FBLN1: variants seen among roughly 807,000 people sequenced by gnomAD.
The protein encoded by FBLN1 is fibulin 1.
A neutral mutation model predicts 89.7 loss-of-function variants in FBLN1; 34 were observed. That is an observed-to-expected ratio of 0.38 (90% confidence interval 0.29 to 0.50). The LOEUF is 0.50. Ranked by LOEUF, FBLN1 falls within the 20% of genes least tolerant of loss-of-function variation. FBLN1 has a pLI of 0.92. For synonymous variants in FBLN1, 393 were observed against 391.3 expected, an observed-to-expected ratio of 1.00 and a Z score of -0.05; for missense variants, 777 against 988.1, an observed-to-expected ratio of 0.79 and a Z score of 2.86.
At chr22:45,544,983 G>C (rs142841340) in intron 11 of FBLN1, among the ~76,000 whole-genome samples, 82 of 152,346 alleles carry the variant, frequency 5.4e-4, no homozygotes, top group South Asian at 4.8e-3. Flanking sequence ...CACCCTGTTT[G>C]GTGCCGTGCA....
intron 16 of FBLN1, among the ~76,000 whole-genome samples, chr22:45,596,609 A>G (rs1283295299): frequency 6.7e-6 from 1 of 148,820 alleles, no homozygotes; most frequent in Non-Finnish European, 1.5e-5. Flanking sequence ...TGATTACTAT[A>G]TACATATATC....
rs2088480314 is a variant in FBLN1 at position 45,536,189 on chromosome 22, T to A, written c.922+852T>A. Among the ~76,000 whole-genome samples, 1 of 151,488 alleles carries A rather than the reference T, an allele frequency of 6.6e-6. No individual in the cohort carries two copies. Among genetic ancestry groups the A allele is most frequent in the Non-Finnish European group, 1.5e-5 (1 of 67,912 alleles). On this transcript the variant is annotated intron_variant, in intron 8 of 16. Coordinates refer to ENST00000327858, the MANE Select transcript of FBLN1 (RefSeq NM_006486.3). The surrounding 1 kb of genome is among the most constrained non-coding windows in gnomAD (Gnocchi z 5.1). ...ACCCTGTCTCAAAAATAAAATAAAA[T>A]ATAAAAATAAAAAACAGTCTGTGTT...
intron 16 of FBLN1, among the ~76,000 whole-genome samples, chr22:45,595,523 T>C (rs1206626974): frequency 2.6e-5 from 4 of 152,310 alleles, no homozygotes; most frequent in African/African-American, 9.6e-5. Flanking sequence ...GTCCTTCCTT[T>C]CTAGTTGCTC....
chr22:45,596,272 A>T (rs546851430), intron 16 of FBLN1, among the ~76,000 whole-genome samples: 3 of 152,322 alleles, frequency 2.0e-5, no homozygotes, highest in African/African-American at 7.2e-5. Context: ...GTCAGTTCGT[A>T]TCCTGCAGGT....
In FBLN1 at chr22:45,518,834, G is replaced by A. The variant is rs147635694; in HGVS notation, c.185+47G>A. ...GTTTCACTGGAACAATGTTCCTTTA[G>A]AGAAAAGTGGGGGAGGAAGGGACAG... On this transcript the variant is annotated intron_variant, in intron 2 of 16. Transcript: ENST00000327858. The A allele has an allele frequency of 2.0e-6, 3 of 1,481,752 alleles. No homozygotes were observed. The South Asian group carries it at 3.6e-5, about 18-fold the overall frequency. 91.8% of individuals were successfully genotyped at this position (1,481,752 alleles called of 1,614,324 possible). A position where few individuals can be genotyped will look rare whatever the true frequency, so the allele number is the denominator to read the frequency against.
At position 45,523,300 on chromosome 22, in the gene FBLN1, A is replaced by T. The variant is rs897151737; in HGVS notation, c.186-2243A>T. On this transcript the variant is annotated intron_variant, in intron 2 of 16. Transcript: ENST00000327858. Reference sequence around the variant, plus strand: ...AGATACAAGGGTAACCAGGTGGCTGAGGGGGCCATGAGATAGAGGCTGGGG... The same window carrying T: ...AGATACAAGGGTAACCAGGTGGCTGTGGGGGCCATGAGATAGAGGCTGGGG... 17 of 589,182 alleles carry T rather than the reference A, an allele frequency of 2.9e-5. No individual in the cohort carries two copies. In the African/African-American group the frequency reaches 3.1e-4, roughly 11 times the overall value. The allele number at this position is 589,182 out of a possible 1,614,324, so 36.5% of individuals were successfully genotyped here.
rs1555960985 is a variant in FBLN1, at chr22:45,576,037, C to CG, written c.1841-933dup. Reference sequence around the variant, plus strand: ...GTGTTTACACCATGACACAACCATGCGGGGGGGTGGGGGGAGGAGAGGCTC... The same window carrying CG: ...GTGTTTACACCATGACACAACCATGCGGGGGGGGTGGGGGGAGGAGAGGCTC... On this transcript the variant is annotated intron_variant, in intron 15 of 16. Coordinates refer to ENST00000327858, the MANE Select transcript of FBLN1 (RefSeq NM_006486.3). The surrounding 1 kb of genome is among the most constrained non-coding windows in gnomAD (Gnocchi z 5.2). Among the ~76,000 whole-genome samples, 123 of 150,872 alleles carry CG rather than the reference C, an allele frequency of 8.2e-4. No individual in the cohort carries two copies. The highest frequency in any genetic ancestry group is 1.7e-3 in the African/African-American group (68 of 41,092).
Position 45,577,599 on chromosome 22 carries a change from G to A in FBLN1, c.1972+491G>A, listed in dbSNP as rs180880729. On this transcript the variant is annotated intron_variant, in intron 16 of 16. Coordinates refer to ENST00000327858, the MANE Select transcript of FBLN1 (RefSeq NM_006486.3). This position sits in a 1 kb window ranked among gnomAD's most constrained non-coding sequence, Gnocchi z 6.6. ...CTAGCTGGATTCGCCATGTGGCCTT[G>A]AGCAGTAGTCGTCCCCTCCCTACGC... Among the ~76,000 whole-genome samples, 1 of 152,342 alleles carries A rather than the reference G, an allele frequency of 6.6e-6. No individual in the cohort carries two copies. The highest frequency in any genetic ancestry group is 1.9e-4 in the East Asian group (1 of 5,168).
In FBLN1 at chr22:45,576,992, G is replaced by C. The variant is rs11557534; in HGVS notation, c.1856G>C (p.Arg619Pro). The change falls in exon 16 of 17, where the codon CGG (arginine) becomes CCG (proline). Residue 619 changes from arginine to proline, a missense_variant. By Grantham distance (103) the Arg-to-Pro change is moderately radical. Transcript: ENST00000327858. The surrounding 1 kb of genome is among the most constrained non-coding windows in gnomAD (Gnocchi z 5.2). ...GCCTCTGCAGAGATCATCTTCCTCCGGGCCATCACGCCACCGCATCCTGCC... is the reference window on the plus strand; with the variant it reads ...GCCTCTGCAGAGATCATCTTCCTCCCGGCCATCACGCCACCGCATCCTGCC... ...FTRPEEIIFLRAITPPHPASQ... is the reference protein window; with the variant it reads ...FTRPEEIIFLPAITPPHPASQ... 1 of 1,613,994 alleles carries C rather than the reference G, an allele frequency of 6.2e-7. No individual in the cohort carries two copies. Among genetic ancestry groups the C allele is most frequent in the South Asian group, 1.1e-5 (1 of 91,074 alleles).
chr22:45,546,415 C>T (rs1404034488), intron 11 of FBLN1, among the ~76,000 whole-genome samples: 5 of 152,154 alleles, frequency 3.3e-5, no homozygotes, highest in Non-Finnish European at 7.4e-5. Flanking sequence ...TGGGTTTCAT[C>T]ATGCTGGCCA....
At chr22:45,506,957 T>C (rs1332092521) in intron 1 of FBLN1, among the ~76,000 whole-genome samples, 1 of 152,224 alleles carries the variant, frequency 6.6e-6, no homozygotes, top group Non-Finnish European at 1.5e-5. Context: ...ATCATAACAA[T>C]TTGATGAATG....
rs537908689 is a variant in FBLN1, at chr22:45,529,965, G to A, written c.485-1300G>A. Among the ~76,000 whole-genome samples the A allele has an allele frequency of 3.4e-4, 52 of 152,324 alleles. No homozygotes were observed. The South Asian group carries it at 9.5e-3, about 28-fold the overall frequency. On this transcript the variant is annotated intron_variant, in intron 4 of 16. Coordinates refer to ENST00000327858, the MANE Select transcript of FBLN1 (RefSeq NM_006486.3). Reference sequence around the variant, plus strand: ...TAGTCTCTAAGTCAAGGTAATGGCTGTAGGGTCCTGGGTGACACGGAACCT... The same window carrying A: ...TAGTCTCTAAGTCAAGGTAATGGCTATAGGGTCCTGGGTGACACGGAACCT...
intron 8 of FBLN1, among the ~76,000 whole-genome samples, chr22:45,540,110 C>T (rs781465237): frequency 6.6e-6 from 1 of 152,150 alleles, no homozygotes; most frequent in East Asian, 1.9e-4. Context: ...AGGTGTAAGC[C>T]GGGTTTGAAC....
At position 45,532,823 on chromosome 22, in the gene FBLN1, C is replaced by T; in HGVS notation, c.545-240C>T. ...ACCCCAGCCTACAAAGGGCACCCTG[C>T]ACACCACCTGATTTTCCAGACGGGG... On this transcript the variant is annotated intron_variant, in intron 5 of 16. Transcript: ENST00000327858. The surrounding 1 kb of genome is among the most constrained non-coding windows in gnomAD (Gnocchi z 4.2). 2 of 591,088 alleles carry T rather than the reference C, an allele frequency of 3.4e-6. No individual in the cohort carries two copies. The highest frequency in any genetic ancestry group is 6.1e-6 in the Non-Finnish European group (2 of 330,244). 36.6% of individuals were successfully genotyped at this position (591,088 alleles called of 1,614,324 possible).
In FBLN1 at chr22:45,542,241, A is replaced by G. The variant is rs766201630; in HGVS notation, c.1153A>G (p.Lys385Glu). The G allele has an allele frequency of 3.1e-6, 5 of 1,614,134 alleles. No homozygotes were observed. Among genetic ancestry groups the G allele is most frequent in the Non-Finnish European group, 4.2e-6 (5 of 1,180,036 alleles). Reference protein sequence around the residue: ...NSPGSFRCECKTGYYFDGISR... With the variant: ...NSPGSFRCECETGYYFDGISR... ...TCCCGGCAGTTTCCGCTGCGAATGC[A>G]AGACGGGTTACTATTTTGACGGCAT... The change falls in exon 10 of 17, where the codon AAG becomes GAG. Residue 385 changes from lysine (K) to glutamate (E), a missense_variant. Transcript: ENST00000327858.
chr22:45,586,310 C>T (rs566778511), intron 16 of FBLN1, among the ~76,000 whole-genome samples: 2 of 152,326 alleles, frequency 1.3e-5, no homozygotes, highest in Admixed American at 6.5e-5. Context: ...CACCCCCTGC[C>T]GTGGCCGCCT....
chr22:45,565,095 C>T (rs1332323106), intron 14 of FBLN1: 1 of 1,593,858 alleles, frequency 6.3e-7, no homozygotes, highest in Non-Finnish European at 8.5e-7. Flanking sequence ...GCCCTTGCCA[C>T]TGTCTCCTGG....
chr22:45,579,488 C>G lies in FBLN1; in HGVS notation c.1972+2380C>G, dbSNP rs1266592528. Reference sequence around the variant, plus strand: ...CCCCGGCACAGTTGGTCACGGGTGCCCTGGTCTTTGGAATTCTGGGCTGGG... The same window carrying G: ...CCCCGGCACAGTTGGTCACGGGTGCGCTGGTCTTTGGAATTCTGGGCTGGG... On this transcript the variant is annotated intron_variant, in intron 16 of 16. Transcript: ENST00000327858. The surrounding 1 kb of genome is among the most constrained non-coding windows in gnomAD (Gnocchi z 5.5). Among the ~76,000 whole-genome samples, 1 of 152,254 alleles carries G rather than the reference C, an allele frequency of 6.6e-6. No homozygotes were observed.
intron 14 of FBLN1, among the ~76,000 whole-genome samples, chr22:45,570,350 G>A (rs1420327551): frequency 0.012 from 818 of 67,190 alleles, no homozygotes; most frequent in Middle Eastern, 0.015. Context: ...GAAAAGAAAA[G>A]AAAAGAAAAA....
Sources: allele counts gnomAD v4.1 joint callset (sites outside exome capture counted in the v4.1 genomes callset), GRCh38; gene constraint gnomAD v4.1.1; non-coding constraint Gnocchi (gnomAD v3.1); transcripts MANE v1.5; gene names NCBI Gene and HGNC (gene_info 2026-07-23, HGNC 2026-07-21).